The following KAZN variants were observed in gnomAD, a reference collection of about 807,000 sequenced individuals.
KAZN encodes the protein kazrin, periplakin interacting protein, also known as kazrin.
KAZN carries 40 observed loss-of-function variants against 87.4 expected under a neutral mutation model. That is an observed-to-expected ratio of 0.46 (90% CI 0.36 to 0.60). The LOEUF is 0.60. Ranked by LOEUF, KAZN falls within the 20% of genes least tolerant of loss-of-function variation. KAZN has a pLI of 0.00. For missense variants in KAZN, 898 were observed against 1,073.9 expected, an observed-to-expected ratio of 0.84 and a Z score of 2.29; for synonymous variants, 466 against 458.3, an observed-to-expected ratio of 1.02 and a Z score of -0.22.
At position 14,996,785 on chromosome 1, in the gene KAZN, A is replaced by G. The variant is rs1400242184; in HGVS notation, c.418+35910A>G. ...AGGCAGGCCACTTGCAGGAAGACACACCACGGAGCCTCCCCGCTCCTGGTG... is the reference window on the plus strand; with the variant it reads ...AGGCAGGCCACTTGCAGGAAGACACGCCACGGAGCCTCCCCGCTCCTGGTG... On this transcript the variant is annotated intron_variant, in intron 2 of 14. Coordinates refer to ENST00000376030, the MANE Select transcript of KAZN (RefSeq NM_201628.3). This position sits in a 1 kb window ranked among gnomAD's most constrained non-coding sequence, Gnocchi z 5.9. 6.6e-6 allele frequency among the ~76,000 whole-genome samples: 1 copy of G among 152,128 alleles called. No individual in the cohort carries two copies. Among genetic ancestry groups the G allele is most frequent in the Admixed American group, 6.5e-5 (1 of 15,280 alleles).
chr1:14,094,848 A>G (rs1244559266), intron 1 of KAZN, among the ~76,000 whole-genome samples: 1 of 152,164 alleles, frequency 6.6e-6, no homozygotes, highest in South Asian at 2.1e-4. Flanking sequence ...TGGACATTCC[A>G]TCTTTACTAG....
At chr1:15,092,910 T>C (rs1640619417) in intron 8 of KAZN, among the ~76,000 whole-genome samples, 1 of 147,098 alleles carries the variant, frequency 6.8e-6, no homozygotes, top group Non-Finnish European at 1.5e-5. Context: ...TTAGAAAATG[T>C]TGGTGGATGA....
intron 2 of KAZN, among the ~76,000 whole-genome samples, chr1:14,203,100 G>T (rs1476189365): frequency 6.6e-6 from 1 of 151,826 alleles, no homozygotes; most frequent in Non-Finnish European, 1.5e-5. Context: ...AAAGTATGTT[G>T]CATTATACTA....
At chr1:14,385,928 T>C (rs1661841493) in intron 2 of KAZN, among the ~76,000 whole-genome samples, 1 of 149,712 alleles carries the variant, frequency 6.7e-6, no homozygotes, top group Non-Finnish European at 1.5e-5. Flanking sequence ...AAATCTCCCA[T>C]TATTAATGTG....
intron 1 of KAZN, among the ~76,000 whole-genome samples, chr1:14,074,345 C>A (rs1007751503): frequency 6.6e-6 from 1 of 152,172 alleles, no homozygotes; most frequent in Admixed American, 6.5e-5. Flanking sequence ...CCCCTCCTCA[C>A]CAACATACAT....
intron 1 of KAZN, among the ~76,000 whole-genome samples, chr1:14,042,245 T>C (rs985794306): frequency 6.6e-6 from 1 of 152,174 alleles, no homozygotes; most frequent in African/African-American, 2.4e-5. Flanking sequence ...CAGAACCTGC[T>C]GCTCTTGATT....
At chr1:14,315,934 G>A (rs1655627106) in intron 2 of KAZN, among the ~76,000 whole-genome samples, 1 of 151,784 alleles carries the variant, frequency 6.6e-6, no homozygotes, top group Non-Finnish European at 1.5e-5. Flanking sequence ...GAATTGCTAT[G>A]TCTAATGGCA....
At chr1:14,303,789 C>T (rs1363710673) in intron 2 of KAZN, among the ~76,000 whole-genome samples, 1 of 152,190 alleles carries the variant, frequency 6.6e-6, no homozygotes, top group African/African-American at 2.4e-5. Flanking sequence ...CTCCAGCTTT[C>T]ATTTGCTTTC....
At chr1:14,711,554 C>T (rs1389195667) in intron 1 of KAZN, among the ~76,000 whole-genome samples, 1 of 152,182 alleles carries the variant, frequency 6.6e-6, no homozygotes, top group African/African-American at 2.4e-5. Context: ...TGTGATGTCA[C>T]TTCCAAGATT....
intron 1 of KAZN, among the ~76,000 whole-genome samples, chr1:14,686,253 T>C (rs1640944697): frequency 6.6e-6 from 1 of 152,130 alleles, no homozygotes; most frequent in Admixed American, 6.5e-5. Flanking sequence ...TTGGTAGAGA[T>C]GGGTTTTCAC....
chr1:14,766,004 G>A (rs1486214252), intron 1 of KAZN, among the ~76,000 whole-genome samples: 1 of 152,194 alleles, frequency 6.6e-6, no homozygotes, highest in Non-Finnish European at 1.5e-5. Flanking sequence ...GCCCACAAAA[G>A]CCAACCTTGA....
At chr1:14,860,214 C>T (rs1650673883) in intron 1 of KAZN, among the ~76,000 whole-genome samples, 1 of 151,670 alleles carries the variant, frequency 6.6e-6, no homozygotes, top group Admixed American at 6.6e-5. Context: ...TTTCTTTCAA[C>T]AGGGTCTCAC....
intron 2 of KAZN, among the ~76,000 whole-genome samples, chr1:14,239,455 CTTTTTTTTTTTTT>C (rs386366265): frequency 1.0e-5 from 1 of 95,708 alleles, no homozygotes; most frequent in African/African-American, 4.1e-5. Context: ...AGTTGGGTTT[CTTTTTTTTTTTTT>C]TTTTTTTTTG....
At chr1:14,214,131 A>G (rs1030288822) in intron 2 of KAZN, among the ~76,000 whole-genome samples, 1 of 152,248 alleles carries the variant, frequency 6.6e-6, no homozygotes, top group Non-Finnish European at 1.5e-5. Context: ...TCATCTATGT[A>G]TAATTGATTT....
At chr1:14,590,921 C>T (rs1676155850) in intron 2 of KAZN, among the ~76,000 whole-genome samples, 1 of 152,136 alleles carries the variant, frequency 6.6e-6, no homozygotes. Context: ...TAAACCCATG[C>T]CTAACTAAGT....
chr1:14,453,390 A>C (rs1265791960), intron 2 of KAZN, among the ~76,000 whole-genome samples: 2 of 152,254 alleles, frequency 1.3e-5, no homozygotes, highest in African/African-American at 4.8e-5. Context: ...AATAATCAAG[A>C]GTACAAATTT....
At chr1:14,302,779 T>C (rs1017708322) in intron 2 of KAZN, among the ~76,000 whole-genome samples, 1 of 152,172 alleles carries the variant, frequency 6.6e-6, no homozygotes, top group African/African-American at 2.4e-5. Flanking sequence ...CATAAATCTA[T>C]AGAAACCAAA....
intron 2 of KAZN, among the ~76,000 whole-genome samples, chr1:14,343,090 G>A (rs893451644): frequency 1.3e-5 from 2 of 152,148 alleles, no homozygotes; most frequent in African/African-American, 2.4e-5. Context: ...GCAGTGCAGT[G>A]AGCCGAGATT....
At chr1:14,134,504 G>A (rs1036021559) in intron 1 of KAZN, among the ~76,000 whole-genome samples, 19 of 152,122 alleles carry the variant, frequency 1.2e-4, no homozygotes, top group Non-Finnish European at 1.9e-4. Context: ...TAAATGACCT[G>A]CCCAAACTCA....
Sources: gnomAD v4.1 joint callset for allele counts (sites outside exome capture counted in the v4.1 genomes callset) on GRCh38, gnomAD v4.1.1 for gene constraint, Gnocchi (gnomAD v3.1) non-coding constraint, MANE v1.5 for transcripts, NCBI Gene and HGNC (gene_info 2026-07-23, HGNC 2026-07-21) for gene names.